The following GABBR2 variants were observed in gnomAD, a reference collection of about 807,000 sequenced individuals.
GABBR2 encodes the protein gamma-aminobutyric acid type B receptor subunit 2, also known as G-protein coupled receptor 51.
A neutral mutation model predicts 105.6 loss-of-function variants in GABBR2; 23 were observed. The observed-to-expected ratio is 0.22, with a 90% CI of 0.16 to 0.31. GABBR2 has a LOEUF of 0.31. GABBR2 is among the 10% of genes least tolerant of loss of function. GABBR2 has a pLI of 1.00. For missense variants in GABBR2, 734 were observed against 1,245.5 expected (o/e 0.59, Z 6.18); for synonymous variants, 478 against 499.7 (o/e 0.96, Z 0.58).
intron 1 of GABBR2, among the ~76,000 whole-genome samples, chr9:98,663,704 C>T (rs1348734026): frequency 6.6e-6 from 1 of 151,460 alleles, no homozygotes; most frequent in Non-Finnish European, 1.5e-5. Context: ...GTTTATGGAC[C>T]TGAGACATTT....
intron 3 of GABBR2, among the ~76,000 whole-genome samples, chr9:98,519,915 A>G (rs1424468332): frequency 6.6e-6 from 1 of 152,182 alleles, no homozygotes; most frequent in Non-Finnish European, 1.5e-5. Flanking sequence ...CCCCTGTTCT[A>G]GACTCAGGAT....
intron 9 of GABBR2, among the ~76,000 whole-genome samples, chr9:98,389,232 T>C (rs1382395829): frequency 6.6e-6 from 1 of 152,238 alleles, no homozygotes; most frequent in East Asian, 1.9e-4. Context: ...GGATTTGTGA[T>C]GCATTTAATA....
chr9:98,496,058 G>A (rs950343817), intron 4 of GABBR2: 1 of 228,162 alleles, frequency 4.4e-6, no homozygotes, highest in Non-Finnish European at 8.6e-6. Context: ...GCAACAAGAA[G>A]ACTTCTTTGC....
intron 1 of GABBR2, among the ~76,000 whole-genome samples, chr9:98,690,823 G>A (rs1830674028): frequency 6.6e-6 from 1 of 152,136 alleles, no homozygotes; most frequent in Non-Finnish European, 1.5e-5. Flanking sequence ...GCATCAAAAG[G>A]GCAACTTCCT....
chr9:98,289,791 A>G lies in GABBR2; in HGVS notation c.*793T>C, dbSNP rs915397159. On this transcript the variant is annotated 3_prime_UTR_variant, in exon 19 of 19. Coordinates refer to ENST00000259455, the MANE Select transcript of GABBR2 (RefSeq NM_005458.8). Reference sequence around the variant, plus strand: ...GGGAGCATCCGATAGGAACACAAGGACATGGCCAACGTGGTGGGTGCATGA... The same window carrying G: ...GGGAGCATCCGATAGGAACACAAGGGCATGGCCAACGTGGTGGGTGCATGA... 3 of 152,708 alleles carry G rather than the reference A, an allele frequency of 2.0e-5. No homozygotes were observed. Among genetic ancestry groups the G allele is most frequent in the Non-Finnish European group, 4.4e-5 (3 of 68,068 alleles). The allele number at this position is 152,708 out of a possible 1,614,324, so 9.5% of individuals were successfully genotyped here. A position where few individuals can be genotyped will look rare whatever the true frequency, so the allele number is the denominator to read the frequency against.
chr9:98,448,900 C>T (rs1826182805), intron 7 of GABBR2, among the ~76,000 whole-genome samples: 1 of 145,476 alleles, frequency 6.9e-6, no homozygotes, highest in South Asian at 2.3e-4. Context: ...TTTTAAGAGA[C>T]TGGAAACTGG....
chr9:98,568,106 G>A (rs1828776376), intron 2 of GABBR2, among the ~76,000 whole-genome samples: 1 of 152,132 alleles, frequency 6.6e-6, no homozygotes. Flanking sequence ...CTGGATGCGG[G>A]GACCACATCT....
intron 6 of GABBR2, among the ~76,000 whole-genome samples, chr9:98,470,872 T>C (rs1276009837): frequency 6.6e-6 from 1 of 152,194 alleles, no homozygotes; most frequent in African/African-American, 2.4e-5. Flanking sequence ...GGCACCCTTT[T>C]AAATTTCAGG....
At chr9:98,462,196 C>T (rs528793812) in intron 6 of GABBR2, among the ~76,000 whole-genome samples, 3 of 152,188 alleles carry the variant, frequency 2.0e-5, no homozygotes, top group Non-Finnish European at 4.4e-5. Flanking sequence ...TTCAACATAT[C>T]CCATGTGTCT....
intron 3 of GABBR2, among the ~76,000 whole-genome samples, chr9:98,533,231 G>C (rs905398275): frequency 6.6e-6 from 1 of 152,156 alleles, no homozygotes. Flanking sequence ...TTCCAGAGCA[G>C]TATCCTGGGA....
At chr9:98,621,047 T>C (rs1300505476) in intron 1 of GABBR2, among the ~76,000 whole-genome samples, 2 of 152,244 alleles carry the variant, frequency 1.3e-5, no homozygotes, top group East Asian at 3.8e-4. Context: ...GCAGGAATTA[T>C]AGACTCTACA....
At chr9:98,485,588 T>C (rs1423506185) in intron 4 of GABBR2, among the ~76,000 whole-genome samples, 4 of 152,050 alleles carry the variant, frequency 2.6e-5, no homozygotes, top group African/African-American at 9.7e-5. Context: ...AGAACTAGCA[T>C]GTACCCCCAG....
chr9:98,623,090 T>G (rs1829690703), intron 1 of GABBR2, among the ~76,000 whole-genome samples: 2 of 152,210 alleles, frequency 1.3e-5, no homozygotes. Flanking sequence ...CCTCTCATTT[T>G]TGTTGTGAAC....
At chr9:98,576,325 C>G (rs1340986663) in intron 2 of GABBR2, among the ~76,000 whole-genome samples, 2 of 152,232 alleles carry the variant, frequency 1.3e-5, no homozygotes, top group Non-Finnish European at 2.9e-5. Flanking sequence ...CCTTTCCTAT[C>G]ACAAGCTGCC....
intron 7 of GABBR2, among the ~76,000 whole-genome samples, chr9:98,433,285 TGAGA>T (rs1466786706): frequency 1.3e-5 from 2 of 152,212 alleles, no homozygotes; most frequent in Admixed American, 6.5e-5. Flanking sequence ...CCTGCATGCT[TGAGA>T]GAGAATCTAG....
rs1208233008 is a variant in GABBR2, at chr9:98,605,475, T to A, written c.322-27403A>T. ...CTTACAGAGCTACTGTATGCCCACA[T>A]GAACGTGATGGGGAAACCCACAAGC... On this transcript the variant is annotated intron_variant, in intron 1 of 18. Coordinates refer to ENST00000259455, the MANE Select transcript of GABBR2 (RefSeq NM_005458.8). 2.6e-5 allele frequency among the ~76,000 whole-genome samples: 4 copies of A among 152,182 alleles called. No homozygotes were observed. In the East Asian group the frequency reaches 7.7e-4, roughly 29 times the overall value.
chr9:98,534,235 T>C (rs762695486), intron 3 of GABBR2, among the ~76,000 whole-genome samples: 21 of 152,290 alleles, frequency 1.4e-4, no homozygotes, highest in Non-Finnish European at 2.6e-4. Flanking sequence ...CTCACCTCAG[T>C]GGGGCCTGCC....
At chr9:98,353,153 G>A (rs943235162) in intron 13 of GABBR2, among the ~76,000 whole-genome samples, 6 of 152,074 alleles carry the variant, frequency 3.9e-5, no homozygotes, top group African/African-American at 7.2e-5. Flanking sequence ...ATGGGAATGC[G>A]GACCACTAAA....
intron 9 of GABBR2, among the ~76,000 whole-genome samples, chr9:98,390,984 A>G (rs938281752): frequency 5.9e-5 from 9 of 152,196 alleles, no homozygotes; most frequent in African/African-American, 2.2e-4. Context: ...TATCATGAGT[A>G]TTAGTAACAG....
Sources: gnomAD v4.1 joint callset for allele counts (sites outside exome capture counted in the v4.1 genomes callset) on GRCh38, gnomAD v4.1.1 for gene constraint, MANE v1.5 for transcripts, NCBI Gene and HGNC (gene_info 2026-07-23, HGNC 2026-07-21) for gene names.